PFKFB1: variants seen among roughly 807,000 people sequenced by gnomAD.
PFKFB1 encodes 6-phosphofructo-2-kinase/fructose-2,6-biphosphatase 1, also known as 6-phosphofructo-2-kinase/fructose-2,6-bisphosphatase 1.
In PFKFB1, 34 loss-of-function variants were observed where a neutral mutation model predicts 46.4. That is an observed-to-expected ratio of 0.73 (90% CI 0.56 to 0.98). The LOEUF is 0.98. PFKFB1 is among the 50% of genes least tolerant of loss of function. PFKFB1 has a pLI of 0.00. For missense variants in PFKFB1, 393 were observed against 376.3 expected (o/e 1.04, Z -0.37); for synonymous variants, 119 against 133.8 (o/e 0.89, Z 0.76).
intron 6 of PFKFB1, among the ~76,000 whole-genome samples, chrX:54,957,175 T>G (rs1047859983): frequency 8.9e-6 from 1 of 111,883 alleles, no homozygotes; most frequent in African/African-American, 3.3e-5. Context: ...TTAAGCTACT[T>G]ATAGTTCTCT....
chrX:54,940,996 A>G (rs1368141982), intron 10 of PFKFB1, among the ~76,000 whole-genome samples: 1 of 112,085 alleles, frequency 8.9e-6, no homozygotes, highest in Non-Finnish European at 1.9e-5. Context: ...AAACTATACT[A>G]CAAGCCTACA....
At chrX:54,982,435 A>G (rs770250722) in intron 1 of PFKFB1, among the ~76,000 whole-genome samples, 3 of 111,921 alleles carry the variant, frequency 2.7e-5, no homozygotes, top group South Asian at 3.6e-4. Flanking sequence ...TCAGTCCTCC[A>G]TATCTGTGGG....
chrX:54,970,137 G>T (rs1934606106), intron 1 of PFKFB1, among the ~76,000 whole-genome samples: 1 of 110,512 alleles, frequency 9.0e-6, no homozygotes, highest in Admixed American at 9.6e-5. Context: ...TCGAACTCTT[G>T]GCCTCAAGTG....
chrX:54,949,109 T>C lies in PFKFB1; in HGVS notation c.959A>G (p.Tyr320Cys), dbSNP rs772606130. 10 of 1,209,181 alleles carry C rather than the reference T, an allele frequency of 8.3e-6. No individual in the cohort carries two copies. The Admixed American group carries it at 8.7e-5, about 11-fold the overall frequency. Reference sequence around the variant, plus strand: ...CTCATTCAGGGCCTTCCACTGCTCATAGGGGACACCCAGGGCCTCAGCTGT... The same window carrying C: ...CTCATTCAGGGCCTTCCACTGCTCACAGGGGACACCCAGGGCCTCAGCTGT... ...IQTAEALGVP[Y>C]EQWKALNEID... Residue 320 changes from tyrosine to cysteine, a missense_variant, in exon 9 of 14, where the codon TAT (tyrosine) becomes TGT (cysteine). Physicochemically the swap from Tyr to Cys is radical, Grantham distance 194. Transcript: ENST00000375006.
intron 6 of PFKFB1, among the ~76,000 whole-genome samples, 187 bp from the exon 7 acceptor site, chrX:54,956,461 C>T (rs1254167068): frequency 8.9e-6 from 1 of 111,813 alleles, no homozygotes; most frequent in Non-Finnish European, 1.9e-5. Context: ...GGTTGTGTGA[C>T]TCCTCATTCC....
intron 1 of PFKFB1, among the ~76,000 whole-genome samples, chrX:54,974,360 C>T (rs1197850052): frequency 1.8e-5 from 2 of 111,045 alleles, no homozygotes; most frequent in East Asian, 2.8e-4. Flanking sequence ...GGAAATGATA[C>T]CCTATTCAAT....
chrX:54,996,613 T>A (rs1326933912), upstream of PFKFB1, among the ~76,000 whole-genome samples: 1 of 111,868 alleles, frequency 8.9e-6, no homozygotes, highest in African/African-American at 3.3e-5. Context: ...CCAATTCTGA[T>A]CCCAGAAGCA....
chrX:54,986,651 C>T (rs1042124022), intron 1 of PFKFB1, among the ~76,000 whole-genome samples: 1 of 111,778 alleles, frequency 8.9e-6, no homozygotes, highest in Non-Finnish European at 1.9e-5. Context: ...AGATCAACAA[C>T]AGGGAAATAG....
At chrX:54,981,455 T>G (rs1486947859) in intron 1 of PFKFB1, among the ~76,000 whole-genome samples, 1 of 111,415 alleles carries the variant, frequency 9.0e-6, no homozygotes, top group Middle Eastern at 4.7e-3. Context: ...AAAATAACTT[T>G]TAACCCAGAA....
upstream of PFKFB1, chrX:54,994,268 G>T (rs1367341563): frequency 1.3e-6 from 1 of 751,769 alleles, no homozygotes; most frequent in Non-Finnish European, 1.6e-6. Flanking sequence ...GAGGTCAGGA[G>T]AGGCCTCTGA....
chrX:54,945,381 G>GT (rs1933769556), intron 10 of PFKFB1, 58 bp downstream of exon 10: 1 of 650,014 alleles, frequency 1.5e-6, no homozygotes, highest in African/African-American at 2.2e-5. Flanking sequence ...AATCCTAGCA[G>GT]TTGCAATGAA....
chrX:54,980,125 T>C (rs1934940518), intron 1 of PFKFB1, among the ~76,000 whole-genome samples: 2 of 111,326 alleles, frequency 1.8e-5, no homozygotes, highest in African/African-American at 6.5e-5. Context: ...CTTCAGCCAA[T>C]ACCTTGATTG....
intron 1 of PFKFB1, among the ~76,000 whole-genome samples, chrX:54,972,164 C>T (rs1378569947): frequency 9.0e-6 from 1 of 111,414 alleles, no homozygotes; most frequent in African/African-American, 3.3e-5. Flanking sequence ...TATAAGAATG[C>T]TGGTGATTTT....
At chrX:54,979,716 C>G (rs1252487066) in intron 1 of PFKFB1, among the ~76,000 whole-genome samples, 2 of 112,012 alleles carry the variant, frequency 1.8e-5, no homozygotes, top group African/African-American at 6.5e-5. Flanking sequence ...CCTTAATGAT[C>G]CATACCTCTT....
intron 10 of PFKFB1, among the ~76,000 whole-genome samples, chrX:54,939,797 C>T (rs192101214): frequency 8.9e-5 from 10 of 111,761 alleles, no homozygotes; most frequent in Admixed American, 2.8e-4. Flanking sequence ...GATTCACAGC[C>T]GAATTCTACC....
At chrX:54,949,025 C>T in intron 9 of PFKFB1, 50 bp downstream of exon 9, 1 of 1,187,414 alleles carries the variant, frequency 8.4e-7, no homozygotes, top group Non-Finnish European at 1.1e-6. Flanking sequence ...GGGGATAATC[C>T]CAGACTCAAG....
intron 3 of PFKFB1, among the ~76,000 whole-genome samples, chrX:54,960,575 T>A (rs1934280875): frequency 9.0e-6 from 1 of 111,708 alleles, no homozygotes; most frequent in African/African-American, 3.3e-5. Flanking sequence ...GAAACAGGAT[T>A]TGGGCAGGAA....
At chrX:54,948,658 GTC>G (rs1933875280) in intron 9 of PFKFB1, among the ~76,000 whole-genome samples, 1 of 111,392 alleles carries the variant, frequency 9.0e-6, no homozygotes, top group Non-Finnish European at 1.9e-5. Context: ...GTTATTTTCT[GTC>G]TCTGAATTAA....
At chrX:54,973,014 G>T (rs1375118043) in intron 1 of PFKFB1, among the ~76,000 whole-genome samples, 1 of 111,535 alleles carries the variant, frequency 9.0e-6, no homozygotes, top group Non-Finnish European at 1.9e-5. Context: ...TACAATTTCA[G>T]AGCCTGTTAT....
Sources: gnomAD v4.1 joint callset for allele counts (sites outside exome capture counted in the v4.1 genomes callset) on GRCh38, gnomAD v4.1.1 for gene constraint, MANE v1.5 for transcripts, NCBI Gene and HGNC (gene_info 2026-07-23, HGNC 2026-07-21) for gene names.